The following CDH18 variants were observed in gnomAD, a reference collection of about 807,000 sequenced individuals.
CDH18 encodes the protein cadherin 18.
A neutral mutation model predicts 67.9 loss-of-function variants in CDH18; 31 were observed. The ratio of observed to expected loss-of-function variants is 0.46; its 90% CI spans 0.34 to 0.62. The LOEUF (loss-of-function observed/expected upper bound fraction) is 0.62, where lower values mean the gene tolerates loss of function less well. Among genes scored for constraint, CDH18 ranks in the 20% least tolerant of loss-of-function variants. The probability of loss-of-function intolerance (pLI) is 0.01; values close to 1 mark genes in which losing one functional copy is unlikely to be tolerated. For missense variants in CDH18, 890 were observed against 975.5 expected, an observed-to-expected ratio of 0.91 and a Z score of 1.17; for synonymous variants, 362 against 347.2, an observed-to-expected ratio of 1.04 and a Z score of -0.48.
intron 3 of CDH18, among the ~76,000 whole-genome samples, chr5:19,800,928 G>A (rs1403306639): frequency 6.6e-6 from 1 of 152,110 alleles, no homozygotes; most frequent in Non-Finnish European, 1.5e-5. Context: ...CGACCAGCCT[G>A]GGCAACACGG....
chr5:19,890,357 C>A (rs1284961013), intron 2 of CDH18, among the ~76,000 whole-genome samples: 3 of 151,996 alleles, frequency 2.0e-5, no homozygotes, highest in Non-Finnish European at 4.4e-5. Context: ...TTAATCACAT[C>A]TGTAAAGTAC....
At chr5:19,880,106 A>G (rs1448663505) in intron 2 of CDH18, among the ~76,000 whole-genome samples, 3 of 151,940 alleles carry the variant, frequency 2.0e-5, no homozygotes, top group African/African-American at 7.2e-5. Flanking sequence ...TTTTGGGAAA[A>G]TGCTCAAAGA....
intron 2 of CDH18, among the ~76,000 whole-genome samples, chr5:19,915,639 G>GA (rs1791685544): frequency 6.6e-6 from 1 of 152,020 alleles, no homozygotes; most frequent in Non-Finnish European, 1.5e-5. Flanking sequence ...ACAAGGAAGA[G>GA]AAAATTCATT....
upstream of CDH18, among the ~76,000 whole-genome samples, chr5:19,990,898 A>G (rs1799946894): frequency 6.6e-6 from 1 of 152,238 alleles, no homozygotes; most frequent in Non-Finnish European, 1.5e-5. Context: ...ATTACTTCAA[A>G]AAAGTGGACA....
intron 2 of CDH18, among the ~76,000 whole-genome samples, chr5:19,911,509 T>A (rs972801879): frequency 6.6e-6 from 1 of 151,896 alleles, no homozygotes; most frequent in Non-Finnish European, 1.5e-5. Context: ...GGAAATGGGA[T>A]CTTTTGGAGT....
intron 2 of CDH18, among the ~76,000 whole-genome samples, chr5:20,226,142 A>G (rs192286107): frequency 6.6e-6 from 1 of 152,236 alleles, no homozygotes; most frequent in Admixed American, 6.6e-5. Context: ...AGCAAATGTT[A>G]TTTTTTTAAA....
At chr5:19,648,731 C>T (rs1755153443) in intron 5 of CDH18, among the ~76,000 whole-genome samples, 2 of 151,998 alleles carry the variant, frequency 1.3e-5, no homozygotes, top group African/African-American at 2.4e-5. Flanking sequence ...AAAAGCTTAG[C>T]TTCGAACCAA....
chr5:20,359,914 G>A (rs192081322), intron 1 of CDH18, among the ~76,000 whole-genome samples: 2 of 151,452 alleles, frequency 1.3e-5, no homozygotes, highest in African/African-American at 2.4e-5. Context: ...AGCTTTGGGT[G>A]AATATTATAG....
chr5:20,524,546 G>A (rs1374892808), intron 1 of CDH18, among the ~76,000 whole-genome samples: 1 of 152,002 alleles, frequency 6.6e-6, no homozygotes, highest in East Asian at 1.9e-4. Context: ...ATACATAGTT[G>A]TTTAAGGTTA....
Position 20,002,200 on chromosome 5 carries a change from T to C in CDH18, c.-517-10186A>G, listed in dbSNP as rs1561702852. On this transcript the variant is annotated intron_variant, in intron 2 of 14. Coordinates refer to the CDH18 transcript ENST00000507958. The stretch of plus-strand genomic sequence containing the variant: ...TCACACATTAAAGGGATCCAATTGA[T>C]AGAACTTTTCTATTGAAACATCATT... Among the ~76,000 whole-genome samples, 3 of 152,352 alleles carry C rather than the reference T, an allele frequency of 2.0e-5. No homozygotes were observed. In the East Asian group the frequency reaches 5.8e-4, roughly 29 times the overall value.
chr5:19,945,322 A>T (rs1795191111), intron 2 of CDH18, among the ~76,000 whole-genome samples: 1 of 152,182 alleles, frequency 6.6e-6, no homozygotes, highest in South Asian at 2.1e-4. Context: ...AGTGCAAGGG[A>T]TCTGAAAACT....
chr5:20,487,528 T>G (rs536995720), intron 1 of CDH18, among the ~76,000 whole-genome samples: 2 of 150,958 alleles, frequency 1.3e-5, no homozygotes, highest in South Asian at 2.1e-4. Context: ...TACATATATC[T>G]ATCTATTTCA....
chr5:20,217,742 T>TAA (rs1051236108), intron 2 of CDH18, among the ~76,000 whole-genome samples: 16 of 151,624 alleles, frequency 1.1e-4, no homozygotes, highest in Admixed American at 1.1e-3. Flanking sequence ...TTAATAGATT[T>TAA]AAAAAAAGAC....
chr5:20,001,031 G>A (rs1176220399), intron 2 of CDH18, among the ~76,000 whole-genome samples: 1 of 152,186 alleles, frequency 6.6e-6, no homozygotes, highest in Non-Finnish European at 1.5e-5. Flanking sequence ...TTTGGTTACT[G>A]TGAAAAAATG....
At chr5:19,896,105 C>T (rs1458582981) in intron 2 of CDH18, among the ~76,000 whole-genome samples, 1 of 151,972 alleles carries the variant, frequency 6.6e-6, no homozygotes, top group Non-Finnish European at 1.5e-5. Flanking sequence ...ACCTGTAATC[C>T]CAGCACTTTG....
intron 6 of CDH18, among the ~76,000 whole-genome samples, chr5:19,601,675 TATGA>T (rs772902173): frequency 6.8e-4 from 104 of 152,082 alleles, no homozygotes; most frequent in Non-Finnish European, 1.4e-3. Flanking sequence ...CAATATTCCT[TATGA>T]ATATTAATAC....
At chr5:19,689,285 CT>C (rs1761528785) in intron 5 of CDH18, among the ~76,000 whole-genome samples, 1 of 151,872 alleles carries the variant, frequency 6.6e-6, no homozygotes, top group Non-Finnish European at 1.5e-5. Context: ...AGCAGGGTGT[CT>C]TGTTATATGT....
chr5:20,204,011 T>C (rs557089095), intron 2 of CDH18, among the ~76,000 whole-genome samples: 5 of 151,950 alleles, frequency 3.3e-5, no homozygotes, highest in African/African-American at 1.2e-4. Flanking sequence ...GAGAAAATTA[T>C]CTGAAAAGAC....
chr5:20,412,907 C>T (rs1746916065), intron 1 of CDH18, among the ~76,000 whole-genome samples: 1 of 152,184 alleles, frequency 6.6e-6, no homozygotes, highest in African/African-American at 2.4e-5. Flanking sequence ...TGGTTTGCTG[C>T]ACCCATTAAC....
Sources: allele counts gnomAD v4.1 joint callset (sites outside exome capture counted in the v4.1 genomes callset), GRCh38; gene constraint gnomAD v4.1.1; transcripts MANE v1.5; gene names NCBI Gene and HGNC (gene_info 2026-07-23, HGNC 2026-07-21).